Variants in ARL15 observed in about 807,000 individuals in gnomAD.
The protein encoded by ARL15 is ARF like GTPase 15.
A neutral mutation model predicts 25.2 loss-of-function variants in ARL15; 19 were observed. The ratio of observed to expected loss-of-function variants is 0.75; its 90% CI spans 0.53 to 1.10. ARL15 has a LOEUF of 1.10. Ranked by LOEUF, ARL15 falls within the 50% of genes least tolerant of loss-of-function variation. ARL15 has a pLI of 0.00. For missense variants in ARL15, 220 were observed against 246.0 expected (o/e 0.89, Z 0.71); for synonymous variants, 94 against 86.8 (o/e 1.08, Z -0.46).
chr5:53,984,288 G>C (rs113863312), intron 4 of ARL15, among the ~76,000 whole-genome samples: 5,158 of 152,146 alleles, frequency 0.034, 114 homozygotes, highest in Middle Eastern at 0.051. Flanking sequence ...GAGTTGAGCT[G>C]CTCATAGCTG....
intron 1 of ARL15, among the ~76,000 whole-genome samples, chr5:54,283,610 C>T (rs1758115376): frequency 1.3e-5 from 2 of 152,182 alleles, no homozygotes; most frequent in African/African-American, 4.8e-5. Context: ...CCTCAGAGCC[C>T]AAGACTAAGA....
chr5:53,952,928 C>T (rs1747024835), intron 4 of ARL15, among the ~76,000 whole-genome samples: 1 of 152,092 alleles, frequency 6.6e-6, no homozygotes, highest in African/African-American at 2.4e-5. Context: ...TTTGTTGTTA[C>T]AGAAGAATGT....
At chr5:54,096,911 T>C (rs897333121) in intron 4 of ARL15, among the ~76,000 whole-genome samples, 2 of 152,300 alleles carry the variant, frequency 1.3e-5, no homozygotes, top group Admixed American at 6.5e-5. Context: ...CAAAATTCTT[T>C]ATCCTGTTGA....
chr5:54,068,563 A>G (rs909565389), intron 4 of ARL15, among the ~76,000 whole-genome samples: 1 of 152,216 alleles, frequency 6.6e-6, no homozygotes, highest in Non-Finnish European at 1.5e-5. Flanking sequence ...AAGAGATCCC[A>G]GTCCTGTAGA....
At chr5:53,946,999 T>A (rs1746757007) in intron 4 of ARL15, among the ~76,000 whole-genome samples, 1 of 152,160 alleles carries the variant, frequency 6.6e-6, no homozygotes, top group Non-Finnish European at 1.5e-5. Flanking sequence ...CTCATTGTTG[T>A]AGAGCTAATA....
intron 1 of ARL15, among the ~76,000 whole-genome samples, chr5:54,179,420 G>C (rs184260937): frequency 3.9e-5 from 6 of 152,218 alleles, no homozygotes; most frequent in Admixed American, 3.9e-4. Flanking sequence ...ACCGGGCAAA[G>C]GAAGGCGAAG....
chr5:54,076,704 T>C (rs982950939), intron 4 of ARL15, among the ~76,000 whole-genome samples: 4 of 152,298 alleles, frequency 2.6e-5, no homozygotes, highest in African/African-American at 9.6e-5. Flanking sequence ...TCTAATAGAT[T>C]GTGGAGGTAT....
chr5:54,254,407 G>A (rs765846416), intron 1 of ARL15, among the ~76,000 whole-genome samples: 1 of 152,178 alleles, frequency 6.6e-6, no homozygotes, highest in Non-Finnish European at 1.5e-5. Flanking sequence ...GGTGTCACAG[G>A]AAGAATGCTA....
chr5:54,102,038 A>G (rs1203185042), intron 4 of ARL15, among the ~76,000 whole-genome samples: 44 of 148,394 alleles, frequency 3.0e-4, no homozygotes, highest in African/African-American at 1.0e-3. Context: ...TTTGAGACAG[A>G]GTCTCACTCT....
chr5:54,148,906 A>G (rs530571774), intron 3 of ARL15, among the ~76,000 whole-genome samples: 1 of 152,356 alleles, frequency 6.6e-6, no homozygotes, highest in African/African-American at 2.4e-5. Flanking sequence ...GATTCTATCA[A>G]TTCACACATA....
At chr5:54,170,328 C>G (rs895944717) in intron 2 of ARL15, among the ~76,000 whole-genome samples, 1 of 152,176 alleles carries the variant, frequency 6.6e-6, no homozygotes, top group Non-Finnish European at 1.5e-5. Context: ...CCTCCAACTG[C>G]GCTACTCACA....
At chr5:54,048,401 ATATATATTTT>A (rs1561202126) in intron 4 of ARL15, 15 of 80,434 alleles carry the variant, frequency 1.9e-4, no homozygotes, top group East Asian at 5.8e-4. Flanking sequence ...AATTATATAT[ATATATATTTT>A]TTTTTTTTTG....
intron 3 of ARL15, among the ~76,000 whole-genome samples, chr5:54,138,856 T>C (rs1753683512): frequency 6.6e-6 from 1 of 151,822 alleles, no homozygotes; most frequent in Non-Finnish European, 1.5e-5. Context: ...AATAGGCAAA[T>C]GACATGAATA....
At chr5:53,998,688 G>A (rs938945279) in intron 4 of ARL15, among the ~76,000 whole-genome samples, 1 of 152,184 alleles carries the variant, frequency 6.6e-6, no homozygotes, top group Non-Finnish European at 1.5e-5. Context: ...GAGAGAAGCC[G>A]TTCAATATTA....
At chr5:54,058,181 T>C (rs889441818) in intron 4 of ARL15, among the ~76,000 whole-genome samples, 1 of 151,926 alleles carries the variant, frequency 6.6e-6, no homozygotes, top group Non-Finnish European at 1.5e-5. Context: ...AATTTTTGTA[T>C]TTTTAGTAGA....
chr5:54,055,824 G>A (rs1019836204), intron 4 of ARL15, among the ~76,000 whole-genome samples: 4 of 152,032 alleles, frequency 2.6e-5, no homozygotes, highest in African/African-American at 9.7e-5. Context: ...GCATTCCACT[G>A]AAATATTATT....
intron 1 of ARL15, among the ~76,000 whole-genome samples, chr5:54,197,889 A>C (rs1485555707): frequency 1.1e-4 from 17 of 152,168 alleles, no homozygotes; most frequent in Non-Finnish European, 1.9e-4. Flanking sequence ...TGATGCAAAA[A>C]TCCTCAATAA....
At chr5:53,911,282 C>G (rs946009351) in intron 4 of ARL15, among the ~76,000 whole-genome samples, 1 of 152,114 alleles carries the variant, frequency 6.6e-6, no homozygotes, top group Admixed American at 6.5e-5. Flanking sequence ...CAGCAAAATC[C>G]AAGAGACTCT....
At chr5:54,194,285 C>T (rs1488645857) in intron 1 of ARL15, among the ~76,000 whole-genome samples, 3 of 152,096 alleles carry the variant, frequency 2.0e-5, no homozygotes, top group African/African-American at 4.8e-5. Context: ...TTGAACAAGA[C>T]GAGATAAGTC....
Sources: allele counts gnomAD v4.1 joint callset (sites outside exome capture counted in the v4.1 genomes callset), GRCh38; gene constraint gnomAD v4.1.1; transcripts MANE v1.5; gene names NCBI Gene and HGNC (gene_info 2026-07-23, HGNC 2026-07-21).